BICD1: variants seen among roughly 807,000 people sequenced by gnomAD.
BICD1 encodes the protein protein bicaudal D homolog 1.
In BICD1, 35 loss-of-function variants were observed where a neutral mutation model predicts 92.5. The observed-to-expected ratio is 0.38, with a 90% CI of 0.29 to 0.50. The LOEUF (loss-of-function observed/expected upper bound fraction) is 0.50. BICD1 is among the 20% of genes least tolerant of loss of function. The pLI is 0.93. For missense variants in BICD1, 950 were observed against 1,189.8 expected (o/e 0.80, Z 2.97); for synonymous variants, 429 against 465.1 (o/e 0.92, Z 1.00).
At chr12:32,248,143 C>T (rs987361698) in intron 2 of BICD1, among the ~76,000 whole-genome samples, 1 of 152,008 alleles carries the variant, frequency 6.6e-6, no homozygotes, top group African/African-American at 2.4e-5. Context: ...AGAGCAGTCA[C>T]CTAGAATCCT....
chr12:32,306,451 A>G (rs1019600748), intron 4 of BICD1, among the ~76,000 whole-genome samples: 38 of 151,830 alleles, frequency 2.5e-4, no homozygotes, highest in East Asian at 5.9e-4. Context: ...TCACCGTATT[A>G]GCCAGGATGG....
At chr12:32,318,994 A>G (rs1948579394) in intron 4 of BICD1, among the ~76,000 whole-genome samples, 1 of 152,224 alleles carries the variant, frequency 6.6e-6, no homozygotes, top group South Asian at 2.1e-4. Context: ...GTATCCTGCC[A>G]CCTTGCTATA....
rs115779093 is a variant in BICD1 at position 32,142,575 on chromosome 12, T to G, written c.213+35031T>G. On this transcript the variant is annotated intron_variant, in intron 1 of 9. Coordinates refer to ENST00000652176, the MANE Select transcript of BICD1 (RefSeq NM_001714.4). ...TTGTTATTTATAGCATGATTGTTTT[T>G]CTATAAAAAAGGCATATTACAACAG... Among the ~76,000 whole-genome samples, 858 of 152,194 alleles carry G rather than the reference T, an allele frequency of 5.6e-3. 8 individuals are homozygous for G. Among genetic ancestry groups the G allele is most frequent in the African/African-American group, 0.02 (812 of 41,522 alleles).
intron 2 of BICD1, among the ~76,000 whole-genome samples, chr12:32,279,780 C>G (rs1042128921): frequency 2.0e-5 from 3 of 152,186 alleles, no homozygotes; most frequent in Admixed American, 2.0e-4. Context: ...ATTAACCCTT[C>G]GTGGTGCCAC....
At chr12:32,223,642 A>G (rs1291043336) in intron 2 of BICD1, among the ~76,000 whole-genome samples, 2 of 151,994 alleles carry the variant, frequency 1.3e-5, no homozygotes, top group African/African-American at 4.8e-5. Flanking sequence ...CTTATCATTC[A>G]TGTGTCAATG....
Position 32,334,563 on chromosome 12 carries a change from A to G in BICD1, c.2148A>G (p.Glu716=). Residue 716 remains glutamate (E), a synonymous_variant, in exon 6 of 10, where the codon GAA becomes GAG. Transcript: ENST00000652176. ...ATCTCAAGAACAAATATGAAAATGA[A>G]AAAGCAATGGTGACTGAAACCATGA... The part of the protein sequence containing the change: ...LANLKNKYEN[E]KAMVTETMTK... 1 of 1,612,616 alleles carries G rather than the reference A, an allele frequency of 6.2e-7. No individual in the cohort carries two copies. The highest frequency in any genetic ancestry group is 1.3e-5 in the African/African-American group (1 of 74,996).
At chr12:32,348,523 T>G (rs1245254161) in intron 8 of BICD1, among the ~76,000 whole-genome samples, 1 of 151,676 alleles carries the variant, frequency 6.6e-6, no homozygotes. Flanking sequence ...CAAGAGTAAT[T>G]AGTTCATACT....
intron 2 of BICD1, among the ~76,000 whole-genome samples, chr12:32,240,478 C>T (rs1565611306): frequency 6.6e-6 from 1 of 152,204 alleles, no homozygotes; most frequent in Non-Finnish European, 1.5e-5. Flanking sequence ...AGCCAGCAGC[C>T]GTGTAGCATC....
chr12:32,124,014 A>T (rs1175349725), intron 1 of BICD1, among the ~76,000 whole-genome samples: 3 of 152,182 alleles, frequency 2.0e-5, no homozygotes, highest in Non-Finnish European at 4.4e-5. Flanking sequence ...GGTTCCTTGT[A>T]CCTGAATCTT....
chr12:32,233,817 G>T (rs1200126071), intron 2 of BICD1, among the ~76,000 whole-genome samples: 1 of 151,866 alleles, frequency 6.6e-6, no homozygotes, highest in Non-Finnish European at 1.5e-5. Context: ...TTTTTTTTAC[G>T]TCTTGACCTC....
intron 4 of BICD1, among the ~76,000 whole-genome samples, chr12:32,320,218 A>C (rs1377047051): frequency 2.0e-5 from 3 of 152,206 alleles, no homozygotes; most frequent in African/African-American, 7.2e-5. Context: ...GAGAGTCAAA[A>C]GACTTGGCTG....
At chr12:32,374,311 A>C (rs1359058349) in intron 9 of BICD1, among the ~76,000 whole-genome samples, 3 of 151,948 alleles carry the variant, frequency 2.0e-5, no homozygotes, top group Non-Finnish European at 4.4e-5. Flanking sequence ...ATTGCATAAT[A>C]TGTTTAGTTC....
intron 8 of BICD1, among the ~76,000 whole-genome samples, chr12:32,363,402 A>G (rs1939406944): frequency 6.6e-6 from 1 of 152,136 alleles, no homozygotes; most frequent in Non-Finnish European, 1.5e-5. Flanking sequence ...ATACATAAAT[A>G]ATCTCTTGAG....
chr12:32,363,843 C>T (rs1282697889), intron 8 of BICD1, among the ~76,000 whole-genome samples: 1 of 152,174 alleles, frequency 6.6e-6, no homozygotes, highest in Non-Finnish European at 1.5e-5. Context: ...ACCTCTACCT[C>T]CTAGTGGAGT....
At chr12:32,215,691 T>C (rs1414939463) in intron 1 of BICD1, among the ~76,000 whole-genome samples, 2 of 152,068 alleles carry the variant, frequency 1.3e-5, no homozygotes, top group Non-Finnish European at 2.9e-5. Flanking sequence ...GGCTTATGCC[T>C]GTAATCCCAG....
At chr12:32,222,015 TACTAA>T (rs1868105028) in intron 2 of BICD1, among the ~76,000 whole-genome samples, 1 of 152,226 alleles carries the variant, frequency 6.6e-6, no homozygotes, top group Non-Finnish European at 1.5e-5. Flanking sequence ...TACTTATTTA[TACTAA>T]ACTAAACTAA....
chr12:32,189,097 C>G (rs893267708), intron 1 of BICD1, among the ~76,000 whole-genome samples: 1 of 152,120 alleles, frequency 6.6e-6, no homozygotes, highest in Non-Finnish European at 1.5e-5. Context: ...TCTCATGAAG[C>G]CTGATAGGAA....
chr12:32,288,828 T>G (rs1186607804), intron 2 of BICD1, among the ~76,000 whole-genome samples: 2 of 151,766 alleles, frequency 1.3e-5, no homozygotes, highest in Non-Finnish European at 2.9e-5. Flanking sequence ...ATCATGCCAC[T>G]GTACTCCAGC....
chr12:32,298,807 T>C (rs1422619821), intron 3 of BICD1, among the ~76,000 whole-genome samples: 3 of 147,964 alleles, frequency 2.0e-5, no homozygotes, highest in Admixed American at 6.8e-5. Flanking sequence ...GAGGCAGAGA[T>C]TGCAGTGAGC....
Sources: gnomAD v4.1 joint callset for allele counts (sites outside exome capture counted in the v4.1 genomes callset) on GRCh38, gnomAD v4.1.1 for gene constraint, MANE v1.5 for transcripts, NCBI Gene and HGNC (gene_info 2026-07-23, HGNC 2026-07-21) for gene names.